Variants in KLF12 observed in about 807,000 individuals in gnomAD.
KLF12 encodes the protein KLF transcription factor 12.
Under a neutral mutation model 37.8 loss-of-function variants are expected in KLF12, and 9 were observed. That is an observed-to-expected ratio of 0.24 (90% CI 0.14 to 0.42). The LOEUF (loss-of-function observed/expected upper bound fraction) is 0.42, where lower values mean the gene tolerates loss of function less well. KLF12 is among the 10% of genes least tolerant of loss of function. The probability of loss-of-function intolerance (pLI) is 1.00; values close to 1 mark genes in which losing one functional copy is unlikely to be tolerated. For synonymous variants in KLF12, 208 were observed against 202.1 expected (o/e 1.03, Z -0.25); for missense variants, 411 against 516.0 (o/e 0.80, Z 1.97).
Position 73,900,631 on chromosome 13 carries a change from T to TA in KLF12, c.123+43349dup, listed in dbSNP as rs35378067. On this transcript the variant is annotated intron_variant, in intron 3 of 7. Coordinates refer to ENST00000377669, the MANE Select transcript of KLF12 (RefSeq NM_007249.5). ...TGTGAAACTCCTGTATTCTCTCATT[T>TA]AAAAAAAAAAACTAATCGTGCATAG... Among the ~76,000 whole-genome samples the TA allele has an allele frequency of 8.7e-3, 1,281 of 147,860 alleles. 21 individuals carry two copies. Among genetic ancestry groups the TA allele is most frequent in the African/African-American group, 0.028 (1,155 of 40,594 alleles).
At chr13:74,163,994 A>C in the KLF12 span, among the ~76,000 whole-genome samples, 3 of 152,180 alleles carry the variant, frequency 2.0e-5, no homozygotes, top group African/African-American at 7.2e-5. Flanking sequence ...TAATAAGAGA[A>C]TAATTGAAGA....
At chr13:73,801,231 G>A (rs1210775342) in intron 5 of KLF12, 1 of 152,056 alleles carries the variant, frequency 6.6e-6, no homozygotes, top group Non-Finnish European at 1.5e-5. Context: ...AGTGTGTGAA[G>A]AAAGTGATAT....
At chr13:74,163,767 T>C in the KLF12 span, among the ~76,000 whole-genome samples, 9 of 152,228 alleles carry the variant, frequency 5.9e-5, no homozygotes, top group Middle Eastern at 3.4e-3. Context: ...CTTGAGGGGA[T>C]GTGGATACCT....
At chr13:74,264,929 G>A in the KLF12 span, among the ~76,000 whole-genome samples, 12 of 151,814 alleles carry the variant, frequency 7.9e-5, no homozygotes, top group Non-Finnish European at 1.6e-4. Flanking sequence ...TTCATAGAGA[G>A]GGCAAGCTAC....
chr13:73,705,949 C>G (rs911089801), intron 7 of KLF12, among the ~76,000 whole-genome samples: 1 of 152,188 alleles, frequency 6.6e-6, no homozygotes, highest in South Asian at 2.1e-4. Flanking sequence ...GTCATGAGAT[C>G]GAGACCATCC....
the KLF12 span, among the ~76,000 whole-genome samples, chr13:74,183,673 C>T: frequency 1.3e-5 from 2 of 152,322 alleles, no homozygotes; most frequent in South Asian, 2.1e-4. Flanking sequence ...AGGTAGCTCA[C>T]TCCTGTAATC....
the KLF12 span, among the ~76,000 whole-genome samples, chr13:74,186,099 T>G: frequency 3.3e-5 from 5 of 152,152 alleles, no homozygotes; most frequent in African/African-American, 1.2e-4. Context: ...ATTCTTTAAA[T>G]GCATGATCAT....
chr13:74,100,646 G>A (rs1876283237), intron 1 of KLF12, among the ~76,000 whole-genome samples: 2 of 151,778 alleles, frequency 1.3e-5, no homozygotes, highest in South Asian at 4.2e-4. Context: ...TATAAACATA[G>A]ATATAAACAC....
chr13:73,920,150 C>T (rs1889046399), intron 3 of KLF12, among the ~76,000 whole-genome samples: 1 of 152,100 alleles, frequency 6.6e-6, no homozygotes. Flanking sequence ...GTAACTGGTG[C>T]TTGTGCATGC....
the KLF12 span, among the ~76,000 whole-genome samples, chr13:74,161,060 A>T: frequency 4.0e-4 from 56 of 141,218 alleles, no homozygotes; most frequent in Non-Finnish European, 8.0e-4. Flanking sequence ...TTGGACATTC[A>T]GGAGAGTCTT....
intron 1 of KLF12, among the ~76,000 whole-genome samples, chr13:74,131,174 A>G (rs1403527065): frequency 2.0e-5 from 3 of 152,232 alleles, no homozygotes; most frequent in Non-Finnish European, 4.4e-5. Context: ...CAGTAAGTTG[A>G]TAACAGCCTG....
rs1000165433 is a variant in KLF12, at chr13:74,068,850, C to G, written c.-32+64889G>C. ...GGGATTACAGGCATGAGCCACTGCA[C>G]CCGGCCTATTTGAATAAAATAATGA... On this transcript the variant is annotated intron_variant, in intron 1 of 7. Transcript: ENST00000377669. Among the ~76,000 whole-genome samples, 3 of 152,294 alleles carry G rather than the reference C, an allele frequency of 2.0e-5. No individual in the cohort carries two copies. The South Asian group carries it at 6.2e-4, about 32-fold the overall frequency.
the KLF12 span, among the ~76,000 whole-genome samples, chr13:74,255,557 T>A: frequency 6.6e-6 from 1 of 152,208 alleles, no homozygotes; most frequent in Admixed American, 6.5e-5. Context: ...TTTCAGGAAG[T>A]TGTTTTACCA....
the KLF12 span, among the ~76,000 whole-genome samples, chr13:74,181,361 GA>G: frequency 0.031 from 4,105 of 130,576 alleles, 85 homozygotes; most frequent in Middle Eastern, 0.074. Flanking sequence ...TGACAAAAGT[GA>G]AAAAAAAAAA....
At chr13:74,182,184 T>C in the KLF12 span, among the ~76,000 whole-genome samples, 1 of 152,188 alleles carries the variant, frequency 6.6e-6, no homozygotes, top group Non-Finnish European at 1.5e-5. Flanking sequence ...TGCTTTTATC[T>C]ATATTTGAAA....
intron 6 of KLF12, among the ~76,000 whole-genome samples, chr13:73,720,951 T>C (rs754082813): frequency 7.2e-5 from 11 of 152,188 alleles, no homozygotes; most frequent in Non-Finnish European, 1.5e-4. Context: ...ATCCCAGATT[T>C]AAAAACCAGA....
chr13:73,762,098 G>T (rs905386568), intron 6 of KLF12, among the ~76,000 whole-genome samples: 1 of 152,158 alleles, frequency 6.6e-6, no homozygotes, highest in South Asian at 2.1e-4. Flanking sequence ...ATACCCGCAA[G>T]AAGTTCTTAT....
Position 73,887,058 on chromosome 13 carries a change from C to G in KLF12, c.124-40685G>C, listed in dbSNP as rs1887262525. ...TTAGCATATCCAGCCAGAGCAAAAC[C>G]ACTCACTCACTAATTCAGATCTTGC... On this transcript the variant is annotated intron_variant, in intron 3 of 7. Coordinates refer to ENST00000377669, the MANE Select transcript of KLF12 (RefSeq NM_007249.5). Among the ~76,000 whole-genome samples the G allele has an allele frequency of 2.0e-5, 3 of 151,388 alleles. No individual in the cohort carries two copies. The South Asian group carries it at 6.3e-4, about 32-fold the overall frequency.
At position 73,716,680 on chromosome 13, in the gene KLF12, TTG is replaced by T. The variant is rs1178102716; in HGVS notation, c.870-1157_870-1156del. Among the ~76,000 whole-genome samples the T allele has an allele frequency of 5.9e-5, 9 of 152,294 alleles. No homozygotes were observed. In the East Asian group the frequency reaches 1.5e-3, roughly 26 times the overall value. On this transcript the variant is annotated intron_variant, in intron 6 of 7. Coordinates refer to ENST00000377669, the MANE Select transcript of KLF12 (RefSeq NM_007249.5). Reference sequence around the variant, plus strand: ...CTGCATTTACAGACATTCATTTTTTTTGTGTGTTTTTTAAGTCATATGAATAA... The same window carrying T: ...CTGCATTTACAGACATTCATTTTTTTTGTGTTTTTTAAGTCATATGAATAA...
Sources: gnomAD v4.1 joint callset for allele counts (sites outside exome capture counted in the v4.1 genomes callset) on GRCh38, gnomAD v4.1.1 for gene constraint, MANE v1.5 for transcripts, NCBI Gene and HGNC (gene_info 2026-07-23, HGNC 2026-07-21) for gene names.